RAB3GAP1: variants seen among roughly 807,000 people sequenced by gnomAD.
RAB3GAP1 encodes the protein RAB3 GTPase activating protein catalytic subunit 1, also known as rab3 GTPase-activating protein catalytic subunit.
In RAB3GAP1, 86 loss-of-function variants were observed where a neutral mutation model predicts 130.7. That is an observed-to-expected ratio of 0.66 (90% confidence interval 0.55 to 0.79). The LOEUF is 0.79. Ranked by LOEUF, RAB3GAP1 falls within the 30% of genes least tolerant of loss-of-function variation. The pLI is 0.00. For missense variants in RAB3GAP1, 1,029 were observed against 1,169.4 expected (o/e 0.88, Z 1.75); for synonymous variants, 367 against 401.7 (o/e 0.91, Z 1.03).
intron 5 of RAB3GAP1, among the ~76,000 whole-genome samples, chr2:135,105,252 C>A (rs1365313239): frequency 6.5e-5 from 9 of 137,638 alleles, no homozygotes; most frequent in African/African-American, 2.4e-4. Flanking sequence ...TCCCCCTCCC[C>A]CTCTCTCCAT....
At position 135,106,772 on chromosome 2, in the gene RAB3GAP1, A is replaced by T. The variant is rs866533812; in HGVS notation, c.363-6379A>T. Among the ~76,000 whole-genome samples the T allele has an allele frequency of 5.9e-3, 897 of 151,260 alleles. 11 individuals are homozygous for T. The highest frequency in any genetic ancestry group is 0.021 in the African/African-American group (853 of 41,086). On this transcript the variant is annotated intron_variant, in intron 5 of 23. Transcript: ENST00000264158. ...AATAAATACTAAAAAAAAAAATAAA[A>T]AAATAAAAAAGTAAAAAAAAAAGCA...
intron 18 of RAB3GAP1, among the ~76,000 whole-genome samples, chr2:135,152,073 C>A (rs1692193228): frequency 6.6e-6 from 1 of 152,236 alleles, no homozygotes; most frequent in East Asian, 1.9e-4. Context: ...AGTCAACTTA[C>A]ATATACACCC....
intron 22 of RAB3GAP1, among the ~76,000 whole-genome samples, chr2:135,164,373 A>G (rs1692565481): frequency 6.6e-6 from 1 of 152,210 alleles, no homozygotes; most frequent in South Asian, 2.1e-4. Flanking sequence ...GGCTTTAAAC[A>G]TTTTTTATGA....
At chr2:135,150,624 T>A in intron 18 of RAB3GAP1, 118 bp downstream of exon 18, 2 of 1,313,976 alleles carry the variant, frequency 1.5e-6, no homozygotes, top group Non-Finnish European at 2.2e-6. Context: ...GTGTTTGGAT[T>A]TCATTAGTAG....
At chr2:135,062,206 G>A (rs1448497912) in intron 3 of RAB3GAP1, among the ~76,000 whole-genome samples, 4 of 152,076 alleles carry the variant, frequency 2.6e-5, no homozygotes, top group Non-Finnish European at 4.4e-5. Context: ...GAGGCACTGC[G>A]CCCGTCGTAT....
At chr2:135,064,129 A>T (rs1158005863) in intron 3 of RAB3GAP1, among the ~76,000 whole-genome samples, 1 of 152,098 alleles carries the variant, frequency 6.6e-6, no homozygotes, top group African/African-American at 2.4e-5. Flanking sequence ...TTTTTTATTT[A>T]AAAAAATTTT....
At chr2:135,114,815 A>G (rs559293928) in intron 6 of RAB3GAP1, among the ~76,000 whole-genome samples, 1 of 152,190 alleles carries the variant, frequency 6.6e-6, no homozygotes, top group Non-Finnish European at 1.5e-5. Context: ...GCCTTACTTT[A>G]TCTTTAAATG....
chr2:135,055,221 G>T (rs1688976454), intron 2 of RAB3GAP1, among the ~76,000 whole-genome samples: 2 of 152,116 alleles, frequency 1.3e-5, no homozygotes, highest in Non-Finnish European at 2.9e-5. Context: ...ATAACAGAGG[G>T]ACCTAATATA....
intron 2 of RAB3GAP1, 79 bp from the exon 3 acceptor site, chr2:135,057,932 A>T: frequency 1.9e-6 from 2 of 1,053,322 alleles, no homozygotes; most frequent in Non-Finnish European, 2.9e-6. Context: ...AATATAAAAA[A>T]TACCTTTTTA....
intron 3 of RAB3GAP1, 109 bp downstream of exon 3, chr2:135,058,195 G>T: frequency 1.1e-6 from 1 of 914,742 alleles, no homozygotes; most frequent in Non-Finnish European, 1.8e-6. Flanking sequence ...TTAAAGTTAC[G>T]TATAATCTAT....
chr2:135,137,120 G>T (rs1433600825), intron 17 of RAB3GAP1: 3 of 303,378 alleles, frequency 9.9e-6, no homozygotes, highest in African/African-American at 6.7e-5. Context: ...CTAGGACTGT[G>T]GAAGAGATAG....
At chr2:135,151,029 CAGA>C (rs1692159234) in intron 18 of RAB3GAP1, among the ~76,000 whole-genome samples, 1 of 152,140 alleles carries the variant, frequency 6.6e-6, no homozygotes, top group Non-Finnish European at 1.5e-5. Context: ...AAAGGTTTCT[CAGA>C]AGAGTCACTA....
intron 3 of RAB3GAP1, among the ~76,000 whole-genome samples, chr2:135,062,161 G>A (rs1355926594): frequency 3.3e-5 from 5 of 152,004 alleles, no homozygotes; most frequent in South Asian, 2.1e-4. Context: ...TGATCCGCCC[G>A]CCTCGGCTTC....
chr2:135,091,214 T>TA, intron 4 of RAB3GAP1, 84 bp downstream of exon 4: 6 of 1,301,410 alleles, frequency 4.6e-6, no homozygotes, highest in Non-Finnish European at 6.5e-6. Flanking sequence ...TGTTCTTCCA[T>TA]AGTGTCAGTT....
At chr2:135,119,090 C>T (rs1180422407) in intron 7 of RAB3GAP1, among the ~76,000 whole-genome samples, 1 of 142,506 alleles carries the variant, frequency 7.0e-6, no homozygotes, top group Non-Finnish European at 1.5e-5. Flanking sequence ...CTCCCTCCCT[C>T]CCTCCCTTCC....
chr2:135,168,480 C>T, intron 23 of RAB3GAP1, 65 bp from the exon 24 acceptor site: 1 of 1,234,800 alleles, frequency 8.1e-7, no homozygotes, highest in Non-Finnish European at 1.2e-6. Context: ...ATTCATCTGT[C>T]CTTCAAAAGC....
chr2:135,171,593 A>G (rs762096521), downstream of RAB3GAP1, among the ~76,000 whole-genome samples: 7 of 152,124 alleles, frequency 4.6e-5, no homozygotes, highest in Non-Finnish European at 8.8e-5. Context: ...TTTTTCTTCA[A>G]GTTGGGGTAT....
chr2:135,125,381 T>C (rs1365525927), intron 9 of RAB3GAP1, among the ~76,000 whole-genome samples: 1 of 152,152 alleles, frequency 6.6e-6, no homozygotes, highest in Non-Finnish European at 1.5e-5. Flanking sequence ...ACACTAAATA[T>C]TTTTCCTGTG....
chr2:135,063,049 A>G (rs1425503255), intron 3 of RAB3GAP1, among the ~76,000 whole-genome samples: 3 of 152,326 alleles, frequency 2.0e-5, no homozygotes, highest in African/African-American at 7.2e-5. Flanking sequence ...CATGTTGAGT[A>G]GAACTGCTGC....
Sources: allele counts gnomAD v4.1 joint callset (sites outside exome capture counted in the v4.1 genomes callset), GRCh38; gene constraint gnomAD v4.1.1; transcripts MANE v1.5; gene names NCBI Gene and HGNC (gene_info 2026-07-23, HGNC 2026-07-21).